The following SHQ1 variants were observed in gnomAD, a reference collection of about 807,000 sequenced individuals.
The protein encoded by SHQ1 is protein SHQ1 homolog.
Under a neutral mutation model 53.8 loss-of-function variants are expected in SHQ1, and 49 were observed. The observed-to-expected ratio is 0.91, with a 90% CI of 0.72 to 1.16. SHQ1 has a LOEUF of 1.16. Ranked by LOEUF, SHQ1 falls within the 50% of genes most tolerant of loss-of-function variation. The pLI is 0.00. For missense variants in SHQ1, 738 were observed against 683.1 expected (o/e 1.08, Z -0.90); for synonymous variants, 243 against 251.0 (o/e 0.97, Z 0.30).
intron 10 of SHQ1, among the ~76,000 whole-genome samples, chr3:72,790,593 C>T (rs1272620999): frequency 6.6e-6 from 1 of 152,138 alleles, no homozygotes; most frequent in Non-Finnish European, 1.5e-5. Flanking sequence ...TGGATCTACA[C>T]TGCAGTAGAA....
At position 72,750,616 on chromosome 3, in the gene SHQ1, T is replaced by A; in HGVS notation, c.1402A>T (p.Asn468Tyr). Residue 468 changes from asparagine (N) to tyrosine (Y), a missense_variant, in exon 11 of 11, where the codon AAC (asparagine) becomes TAC (tyrosine). By Grantham distance (143) the Asn-to-Tyr change is moderately radical. Transcript: ENST00000325599. Reference sequence around the variant, plus strand: ...TCTGAATCTGAGCCTGAGTCTTCGTTTCCAGATGACACGCTGCTGTCTGAG... The same window carrying A: ...TCTGAATCTGAGCCTGAGTCTTCGTATCCAGATGACACGCTGCTGTCTGAG... ...EDSDSSVSSG[N>Y]EDSGSDSEQD... 1 of 1,614,222 alleles carries A rather than the reference T, an allele frequency of 6.2e-7. No homozygotes were observed. Among genetic ancestry groups the A allele is most frequent in the Non-Finnish European group, 8.5e-7 (1 of 1,180,030 alleles).
At chr3:72,825,883 A>C (rs1298824850) in intron 5 of SHQ1, among the ~76,000 whole-genome samples, 1 of 152,208 alleles carries the variant, frequency 6.6e-6, no homozygotes, top group African/African-American at 2.4e-5. Flanking sequence ...GAAAGATCAC[A>C]GACAACTTAC....
chr3:72,824,077 AAAG>A (rs1250326182), intron 6 of SHQ1, among the ~76,000 whole-genome samples: 2 of 152,202 alleles, frequency 1.3e-5, no homozygotes, highest in Admixed American at 1.3e-4. Flanking sequence ...TGTCCTTACC[AAAG>A]AAGAATGTTC....
intron 3 of SHQ1, among the ~76,000 whole-genome samples, chr3:72,841,471 A>T (rs1374973450): frequency 2.0e-5 from 3 of 152,234 alleles, no homozygotes; most frequent in African/African-American, 7.2e-5. Context: ...ATGTTAAGTG[A>T]AAGCAGCCAG....
At chr3:72,774,849 T>C (rs988861188) in intron 10 of SHQ1, among the ~76,000 whole-genome samples, 4 of 152,168 alleles carry the variant, frequency 2.6e-5, no homozygotes, top group African/African-American at 9.7e-5. Context: ...GCACAGTGGC[T>C]CATGCCTGTA....
chr3:72,797,242 G>A (rs998761458), intron 9 of SHQ1, among the ~76,000 whole-genome samples: 2 of 151,998 alleles, frequency 1.3e-5, no homozygotes, highest in Non-Finnish European at 2.9e-5. Flanking sequence ...TGCACGACTT[G>A]AGAGCGAGAC....
chr3:72,777,631 G>A (rs1443704637), intron 10 of SHQ1, among the ~76,000 whole-genome samples: 1 of 152,202 alleles, frequency 6.6e-6, no homozygotes, highest in Non-Finnish European at 1.5e-5. Context: ...GGCCACTTTG[G>A]AAAACAGTTT....
chr3:72,798,621 C>T (rs941698496), intron 9 of SHQ1, among the ~76,000 whole-genome samples: 1 of 152,210 alleles, frequency 6.6e-6, no homozygotes, highest in Non-Finnish European at 1.5e-5. Context: ...CAGGTTAATA[C>T]ATCTTAATAC....
the SHQ1 span, among the ~76,000 whole-genome samples, chr3:72,736,619 C>T: frequency 6.7e-6 from 1 of 148,280 alleles, no homozygotes; most frequent in Non-Finnish European, 1.5e-5. Flanking sequence ...GGTGAAACCC[C>T]ATCTATACTA....
the SHQ1 span, among the ~76,000 whole-genome samples, chr3:72,731,383 T>C: frequency 4.6e-5 from 7 of 151,714 alleles, no homozygotes; most frequent in South Asian, 1.2e-3. Context: ...TAAAAAGTTT[T>C]TTTAAAAAAT....
intron 1 of SHQ1, among the ~76,000 whole-genome samples, chr3:72,845,516 G>T (rs1453592182): frequency 1.3e-5 from 2 of 151,760 alleles, no homozygotes; most frequent in East Asian, 3.9e-4. Context: ...GAAATGAAGT[G>T]ATTTCCCTGC....
the SHQ1 span, among the ~76,000 whole-genome samples, chr3:72,744,240 CA>C: frequency 6.6e-6 from 1 of 152,208 alleles, no homozygotes; most frequent in Non-Finnish European, 1.5e-5. Flanking sequence ...CCAATAAGAG[CA>C]GTCAGGAAAT....
At position 72,752,732 on chromosome 3, in the gene SHQ1, T is replaced by C. The variant is rs1388749767; in HGVS notation, c.1182-1896A>G. 2.0e-5 allele frequency among the ~76,000 whole-genome samples: 3 copies of C among 152,210 alleles called. 1 individual carries two copies. The highest frequency in any genetic ancestry group is 4.1e-4 in the South Asian group (2 of 4,832). ...TTAGTAGAGACAGGGTTTCACCATG[T>C]TGGCCAGGATGGTCTTCATCTCCTG... is the stretch of plus-strand genomic sequence containing the variant. On this transcript the variant is annotated intron_variant, in intron 10 of 10. Transcript: ENST00000325599.
chr3:72,794,921 GA>G (rs1294891890), intron 9 of SHQ1: 1 of 152,236 alleles, frequency 6.6e-6, no homozygotes, highest in Non-Finnish European at 1.5e-5. Flanking sequence ...TTCCCAGAAG[GA>G]AAACTGGAGG....
intron 9 of SHQ1, among the ~76,000 whole-genome samples, chr3:72,798,267 C>T (rs17741456): frequency 0.026 from 3,999 of 152,286 alleles, 73 homozygotes; most frequent in South Asian, 0.043. Flanking sequence ...CAGCTCTCTC[C>T]AGGACGTTAA....
rs1553688184 is a variant in SHQ1, at chr3:72,751,535, T to TACAC, written c.1182-700_1182-699insGTGT. ...ATATATATATATATATATATACATA[T>TACAC]ACATACACTAATAAAGCCTAACTCT... On this transcript the variant is annotated intron_variant, in intron 10 of 10. Coordinates refer to ENST00000325599, the MANE Select transcript of SHQ1 (RefSeq NM_018130.3). Among the ~76,000 whole-genome samples the TACAC allele has an allele frequency of 8.9e-4, 125 of 139,962 alleles. 4 individuals carry two copies. Among genetic ancestry groups the TACAC allele is most frequent in the Non-Finnish European group, 9.6e-4 (64 of 66,498 alleles). 91.8% of individuals were successfully genotyped at this position (139,962 alleles called of 152,430 possible). A position where few individuals can be genotyped will look rare whatever the true frequency, so the allele number is the denominator to read the frequency against.
At chr3:72,734,477 A>G in the SHQ1 span, among the ~76,000 whole-genome samples, 96,455 of 150,704 alleles carry the variant, frequency 0.64, 33,995 homozygotes, top group East Asian at 0.95. Flanking sequence ...GCTGGTCTCT[A>G]TTTCCTGACC....
intron 4 of SHQ1, among the ~76,000 whole-genome samples, chr3:72,838,849 A>C (rs909759436): frequency 4.6e-5 from 7 of 152,126 alleles, no homozygotes; most frequent in African/African-American, 1.7e-4. Flanking sequence ...ATTAGACAGG[A>C]GTCAACTATA....
In SHQ1 at chr3:72,792,799, AAAAAAAAAAAAAC is replaced by A; in HGVS notation, c.1181+104_1181+116del. On this transcript the variant is annotated intron_variant, in intron 10 of 10. Transcript: ENST00000325599. ...ACCTCCATCTCAAAAAAAAAAAAAAAAAAAAAAAAAAACACAACTTACTCCTCAGGTTATTTCG... is the reference window on the plus strand; with the variant it reads ...ACCTCCATCTCAAAAAAAAAAAAAAAACAACTTACTCCTCAGGTTATTTCG... 5.5e-6 allele frequency: 4 copies of A among 729,008 alleles called. No homozygotes were observed. The African/African-American group carries it at 5.6e-5, about 10-fold the overall frequency. 45.2% of individuals were successfully genotyped at this position (729,008 alleles called of 1,614,324 possible). A position where few individuals can be genotyped will look rare whatever the true frequency, so the allele number is the denominator to read the frequency against.
Sources: gnomAD v4.1 joint callset for allele counts (sites outside exome capture counted in the v4.1 genomes callset) on GRCh38, gnomAD v4.1.1 for gene constraint, MANE v1.5 for transcripts, NCBI Gene and HGNC (gene_info 2026-07-23, HGNC 2026-07-21) for gene names.